RBFOX1: variants seen among roughly 807,000 people sequenced by gnomAD.
RBFOX1 encodes the protein RNA binding protein fox-1 homolog 1.
Under a neutral mutation model 57.7 loss-of-function variants are expected in RBFOX1, and 8 were observed. The observed-to-expected ratio is 0.14, with a 90% CI of 0.08 to 0.25. The LOEUF is 0.25. RBFOX1 is among the 10% of genes least tolerant of loss of function. RBFOX1 has a pLI of 1.00. For synonymous variants in RBFOX1, 326 were observed against 222.4 expected (o/e 1.47, Z -4.15); for missense variants, 611 against 548.5 (o/e 1.11, Z -1.14).
intron 4 of RBFOX1, among the ~76,000 whole-genome samples, chr16:7,283,332 C>G (rs1178523951): frequency 1.3e-5 from 2 of 151,958 alleles, no homozygotes; most frequent in East Asian, 3.9e-4. Flanking sequence ...TCTCTATACT[C>G]CAATCCAGCA....
intron 1 of RBFOX1, among the ~76,000 whole-genome samples, chr16:6,089,649 G>C (rs926674825): frequency 6.6e-6 from 1 of 152,194 alleles, no homozygotes; most frequent in African/African-American, 2.4e-5. Context: ...TTAGTTGGTG[G>C]TTACCTGAGT....
chr16:5,925,601 C>T (rs2058923606), intron 4 of RBFOX1, among the ~76,000 whole-genome samples: 1 of 152,044 alleles, frequency 6.6e-6, no homozygotes, highest in Non-Finnish European at 1.5e-5. Flanking sequence ...GTACTAAATG[C>T]CACTGAATTG....
intron 1 of RBFOX1, among the ~76,000 whole-genome samples, chr16:6,197,495 A>G (rs2097187713): frequency 6.6e-6 from 1 of 152,202 alleles, no homozygotes; most frequent in African/African-American, 2.4e-5. Flanking sequence ...CCTGAGCACA[A>G]TTAATGGTTA....
At chr16:5,732,559 G>A (rs1254964726) in intron 3 of RBFOX1, among the ~76,000 whole-genome samples, 1 of 152,148 alleles carries the variant, frequency 6.6e-6, no homozygotes, top group Non-Finnish European at 1.5e-5. Context: ...GGCAGACGAT[G>A]GTTAGAATTC....
intron 3 of RBFOX1, among the ~76,000 whole-genome samples, chr16:6,800,637 C>T (rs982794521): frequency 1.3e-5 from 2 of 152,050 alleles, no homozygotes; most frequent in African/African-American, 4.8e-5. Context: ...TAATTCTTTG[C>T]AATTACTTTT....
chr16:5,284,330 G>A (rs1448230983), intron 1 of RBFOX1, among the ~76,000 whole-genome samples: 1 of 152,130 alleles, frequency 6.6e-6, no homozygotes, highest in Non-Finnish European at 1.5e-5. Context: ...TATGGTTGCA[G>A]TTTGGTGGTT....
At chr16:6,219,277 T>A (rs4786841) in intron 1 of RBFOX1, among the ~76,000 whole-genome samples, 4 of 151,848 alleles carry the variant, frequency 2.6e-5, no homozygotes, top group Admixed American at 6.6e-5. Flanking sequence ...AAGACCAGCC[T>A]GGGCAACACT....
At chr16:6,802,417 C>G (rs1378802753) in intron 3 of RBFOX1, among the ~76,000 whole-genome samples, 1 of 152,110 alleles carries the variant, frequency 6.6e-6, no homozygotes, top group Non-Finnish European at 1.5e-5. Flanking sequence ...TGGCTCATGC[C>G]TATAATTCCA....
chr16:5,401,766 T>TCGTCCTCCTCCTCTGCCGCTGTCA (rs748855650), intron 1 of RBFOX1, among the ~76,000 whole-genome samples: 7,522 of 142,190 alleles, frequency 0.053, 320 homozygotes, highest in East Asian at 0.079. Context: ...CCTGTCTCTC[T>TCGTCCTCCTCCTCTGCCGCTGTCA]CCTCCTCCTC....
In RBFOX1 at chr16:5,341,224, G is replaced by T. The variant is rs949624849; in HGVS notation, c.219+101119G>T. ...ATTGTGCAGGACATTTTAGCTCATG[G>T]TGAGAAGTTCAGATTTTGCTTTAAA... On this transcript the variant is annotated intron_variant, in intron 1 of 2. Transcript: ENST00000585867. Among the ~76,000 whole-genome samples, 5 of 152,176 alleles carry T rather than the reference G, an allele frequency of 3.3e-5. 1 individual carries two copies. The highest frequency in any genetic ancestry group is 1.2e-4 in the African/African-American group (5 of 41,428).
At chr16:6,649,098 C>G (rs1390953831) in intron 2 of RBFOX1, among the ~76,000 whole-genome samples, 1 of 152,162 alleles carries the variant, frequency 6.6e-6, no homozygotes, top group African/African-American at 2.4e-5. Context: ...CCAGATCTCC[C>G]CAGCAAACCC....
At chr16:6,958,255 G>A (rs553088599) in intron 3 of RBFOX1, among the ~76,000 whole-genome samples, 5 of 152,324 alleles carry the variant, frequency 3.3e-5, no homozygotes, top group East Asian at 1.9e-4. Context: ...GCAGCCGTTA[G>A]CAGGCTGGGC....
At chr16:6,946,248 A>G (rs2079493055) in intron 3 of RBFOX1, among the ~76,000 whole-genome samples, 1 of 152,238 alleles carries the variant, frequency 6.6e-6, no homozygotes, top group Non-Finnish European at 1.5e-5. Context: ...CTGCTCCACT[A>G]CATCCTTGTA....
intron 4 of RBFOX1, among the ~76,000 whole-genome samples, chr16:7,197,749 A>C (rs2087106815): frequency 6.6e-6 from 1 of 152,172 alleles, no homozygotes; most frequent in Non-Finnish European, 1.5e-5. Flanking sequence ...CAACAGTAAA[A>C]ATAAGTGGAG....
At chr16:5,781,926 C>G (rs1282221762) in intron 3 of RBFOX1, among the ~76,000 whole-genome samples, 1 of 152,204 alleles carries the variant, frequency 6.6e-6, no homozygotes, top group Non-Finnish European at 1.5e-5. Flanking sequence ...CAGGAACAGG[C>G]CAGGCGTGGT....
At chr16:6,584,796 A>G (rs933940920) in intron 2 of RBFOX1, among the ~76,000 whole-genome samples, 2 of 152,072 alleles carry the variant, frequency 1.3e-5, no homozygotes, top group Non-Finnish European at 2.9e-5. Flanking sequence ...TCACTGAAGG[A>G]TTGTGATTAA....
chr16:5,892,671 A>G (rs1284203939), intron 4 of RBFOX1, among the ~76,000 whole-genome samples: 1 of 152,196 alleles, frequency 6.6e-6, no homozygotes, highest in Admixed American at 6.5e-5. Flanking sequence ...TCACCCTGCT[A>G]AAGACGGCTT....
intron 3 of RBFOX1, among the ~76,000 whole-genome samples, chr16:7,017,732 C>G (rs2093986091): frequency 6.6e-6 from 1 of 152,126 alleles, no homozygotes; most frequent in Non-Finnish European, 1.5e-5. Context: ...GTTTTCACAA[C>G]CCTGTGACAG....
chr16:5,248,469 C>T (rs1008697168), intron 1 of RBFOX1, among the ~76,000 whole-genome samples: 7 of 152,184 alleles, frequency 4.6e-5, no homozygotes, highest in African/African-American at 1.7e-4. Context: ...TATTCGGCCG[C>T]AGCTGGAAGG....
Sources: gnomAD v4.1 joint callset for allele counts (sites outside exome capture counted in the v4.1 genomes callset) on GRCh38, gnomAD v4.1.1 for gene constraint, MANE v1.5 for transcripts, NCBI Gene and HGNC (gene_info 2026-07-23, HGNC 2026-07-21) for gene names.